DENND1B: variants seen among roughly 807,000 people sequenced by gnomAD.
The protein encoded by DENND1B is DENN domain containing 1B.
DENND1B carries 59 observed loss-of-function variants against 90.1 expected under a neutral mutation model. The ratio of observed to expected loss-of-function variants is 0.65; its 90% confidence interval spans 0.53 to 0.81. The LOEUF is 0.81. DENND1B is among the 40% of genes least tolerant of loss of function. DENND1B has a pLI of 0.00. For missense variants in DENND1B, 862 were observed against 912.6 expected (o/e 0.94, Z 0.71); for synonymous variants, 337 against 324.6 (o/e 1.04, Z -0.41).
intron 2 of DENND1B, among the ~76,000 whole-genome samples, chr1:197,755,405 C>T (rs1281144353): frequency 1.3e-5 from 2 of 150,812 alleles, no homozygotes; most frequent in African/African-American, 4.9e-5. Flanking sequence ...GTAGTATACA[C>T]TTAAGAGTAG....
At chr1:197,540,757 T>G (rs1381300120) in intron 19 of DENND1B, among the ~76,000 whole-genome samples, 4 of 152,184 alleles carry the variant, frequency 2.6e-5, no homozygotes, top group Admixed American at 2.6e-4. Flanking sequence ...GATAAAATAT[T>G]CAAACAGTAA....
In DENND1B at chr1:197,658,253, T is replaced by A. The variant is rs1654050341; in HGVS notation, c.366+47A>T. ...AATGGTTAAAATGGTAAGTTTTGTG[T>A]TATAAGTATTTTACCACAATTTAAA... On this transcript the variant is annotated intron_variant, in intron 6 of 22. Transcript: ENST00000620048. 1.8e-5 allele frequency: 26 copies of A among 1,430,872 alleles called. No homozygotes were observed. In the East Asian group the frequency reaches 5.7e-4, roughly 31 times the overall value. The allele number at this position is 1,430,872 out of a possible 1,614,324, so 88.6% of individuals were successfully genotyped here. A position where few individuals can be genotyped will look rare whatever the true frequency, so the allele number is the denominator to read the frequency against.
chr1:197,665,217 T>C lies in DENND1B; in HGVS notation c.296+6820A>G, dbSNP rs1219595988. ...ACAAAATAAATAGAAATCAAAGAAA[T>C]GTACTAACTTTCAAATCTTGTAATG... On this transcript the variant is annotated intron_variant, in intron 5 of 22. Coordinates refer to ENST00000620048, the MANE Select transcript of DENND1B (RefSeq NM_001195215.2). Among the ~76,000 whole-genome samples, 68 of 152,182 alleles carry C rather than the reference T, an allele frequency of 4.5e-4. 1 individual carries two copies. The highest frequency in any genetic ancestry group is 4.4e-5 in the Non-Finnish European group (3 of 67,942).
intron 20 of DENND1B, among the ~76,000 whole-genome samples, chr1:197,525,355 T>C (rs1320216616): frequency 1.3e-5 from 2 of 152,148 alleles, no homozygotes; most frequent in Non-Finnish European, 2.9e-5. Flanking sequence ...ACAAGTTTTA[T>C]AAGACTATTA....
At chr1:197,550,171 C>T (rs1671109640) in intron 16 of DENND1B, among the ~76,000 whole-genome samples, 2 of 152,052 alleles carry the variant, frequency 1.3e-5, no homozygotes, top group African/African-American at 4.8e-5. Context: ...CTTTCTAGGA[C>T]TTCATGTGTA....
rs1346897691 is a variant in DENND1B at position 197,540,977 on chromosome 1, C to A, written c.1389G>T (p.Lys463Asn). ...GACATACCTTGTGTTTTAGTTTACTCTTCACTTCCTTTAGTCCCAGCTTTG... is the reference window on the plus strand; with the variant it reads ...GACATACCTTGTGTTTTAGTTTACTATTCACTTCCTTTAGTCCCAGCTTTG... Reference protein sequence around the residue: ...NHAKLGLKEVKSKLKHKENEE... With the variant: ...NHAKLGLKEVNSKLKHKENEE... The change falls in exon 19 of 23, where the codon AAG (lysine) becomes AAT (asparagine). Residue 463 changes from lysine to asparagine, a missense_variant. Lys to Asn is a moderately conservative substitution (Grantham distance 94, BLOSUM62 0). Coordinates refer to ENST00000620048, the MANE Select transcript of DENND1B (RefSeq NM_001195215.2). The A allele has an allele frequency of 1.2e-6, 2 of 1,612,502 alleles. No homozygotes were observed. The highest frequency in any genetic ancestry group is 1.7e-5 in the Admixed American group (1 of 59,886).
intron 20 of DENND1B, among the ~76,000 whole-genome samples, chr1:197,519,774 G>C (rs951739665): frequency 6.6e-6 from 1 of 151,856 alleles, no homozygotes; most frequent in Non-Finnish European, 1.5e-5. Context: ...ATGTCCAGTG[G>C]TGGGACAATC....
intron 14 of DENND1B, among the ~76,000 whole-genome samples, chr1:197,590,107 T>C (rs1353655080): frequency 6.6e-6 from 1 of 152,202 alleles, no homozygotes; most frequent in East Asian, 1.9e-4. Context: ...GTGTTTTCCT[T>C]TCTGGAAAGA....
At position 197,539,993 on chromosome 1, in the gene DENND1B, C is replaced by T. The variant is rs1436030772; in HGVS notation, c.1486G>A (p.Gly496Arg). 2 of 1,613,104 alleles carry T rather than the reference C, an allele frequency of 1.2e-6. No homozygotes were observed. The highest frequency in any genetic ancestry group is 1.7e-5 in the Admixed American group (1 of 59,940). The change falls in exon 20 of 23, where the codon GGA (glycine) becomes AGA (arginine). Residue 496 changes from glycine (G) to arginine (R), a missense_variant. Coordinates refer to ENST00000620048, the MANE Select transcript of DENND1B (RefSeq NM_001195215.2). ...GCAAGCTTACGCTTTTCTGAGTTTCCTCCCTTTTCATTGTGTAATTTGTAA... is the reference window on the plus strand; with the variant it reads ...GCAAGCTTACGCTTTTCTGAGTTTCTTCCCTTTTCATTGTGTAATTTGTAA... Reference protein sequence around the residue: ...PVYKLHNEKGGNSEKRKLAQA... With the variant: ...PVYKLHNEKGRNSEKRKLAQA...
rs535026420 is a variant in DENND1B, at chr1:197,649,897, C to A, written c.447+2338G>T. On this transcript the variant is annotated intron_variant, in intron 7 of 22. Coordinates refer to ENST00000620048, the MANE Select transcript of DENND1B (RefSeq NM_001195215.2). ...ACTTAATTAAGCTAAAGAGCTTTTGCAGGGCAAAAGGTACAGTAAGCAGAG... is the reference window on the plus strand; with the variant it reads ...ACTTAATTAAGCTAAAGAGCTTTTGAAGGGCAAAAGGTACAGTAAGCAGAG... 7.2e-5 allele frequency among the ~76,000 whole-genome samples: 11 copies of A among 152,182 alleles called. No individual in the cohort carries two copies. The East Asian group carries it at 2.1e-3, about 29-fold the overall frequency.
At chr1:197,515,316 C>T (rs1668319949) in intron 20 of DENND1B, among the ~76,000 whole-genome samples, 1 of 151,702 alleles carries the variant, frequency 6.6e-6, no homozygotes, top group Admixed American at 6.6e-5. Flanking sequence ...CACTTTATCA[C>T]TATAAGTTTA....
intron 11 of DENND1B, among the ~76,000 whole-genome samples, chr1:197,614,583 T>C (rs1677471645): frequency 6.6e-6 from 1 of 150,932 alleles, no homozygotes; most frequent in Non-Finnish European, 1.5e-5. Flanking sequence ...AAAGATAGGA[T>C]ACAGAAGCCT....
In DENND1B at chr1:197,552,717, C is replaced by T. The variant is rs949135176; in HGVS notation, c.1240+305G>A. 3.5e-6 allele frequency: 4 copies of T among 1,136,740 alleles called. No individual in the cohort carries two copies. In the African/African-American group the frequency reaches 6.6e-5, roughly 19 times the overall value. 70.4% of individuals were successfully genotyped at this position (1,136,740 alleles called of 1,614,324 possible). A position where few individuals can be genotyped will look rare whatever the true frequency, so the allele number is the denominator to read the frequency against. ...TTTTCTAGCAGAGAATACTACTATT[C>T]AGAAGGAAAGACAGGAAGATATGAG... On this transcript the variant is annotated intron_variant, in intron 16 of 22. Coordinates refer to ENST00000620048, the MANE Select transcript of DENND1B (RefSeq NM_001195215.2).
At chr1:197,618,267 C>T (rs1340019568) in intron 10 of DENND1B, among the ~76,000 whole-genome samples, 1 of 151,120 alleles carries the variant, frequency 6.6e-6, no homozygotes, top group Non-Finnish European at 1.5e-5. Flanking sequence ...GAATGTTCGA[C>T]AGTTGGAGCT....
chr1:197,604,555 G>A (rs1400165361), intron 13 of DENND1B, among the ~76,000 whole-genome samples: 2 of 151,044 alleles, frequency 1.3e-5, no homozygotes, highest in East Asian at 3.9e-4. Context: ...TGGTCAATCT[G>A]ACACAATAAT....
chr1:197,550,930 T>A (rs1407118449), intron 16 of DENND1B, among the ~76,000 whole-genome samples: 1 of 152,074 alleles, frequency 6.6e-6, no homozygotes, highest in Non-Finnish European at 1.5e-5. Context: ...ATTATTATAT[T>A]ACTATTATTA....
chr1:197,523,923 T>A (rs1045645341), intron 20 of DENND1B, among the ~76,000 whole-genome samples: 9 of 148,280 alleles, frequency 6.1e-5, no homozygotes, highest in African/African-American at 2.2e-4. Context: ...CATGAATAGA[T>A]GGAACGATAG....
chr1:197,780,175 T>A (rs890771484), upstream of DENND1B, among the ~76,000 whole-genome samples: 1 of 152,196 alleles, frequency 6.6e-6, no homozygotes, highest in Non-Finnish European at 1.5e-5. Flanking sequence ...CTTGAATACC[T>A]TTGGGGTGTA....
At chr1:197,598,996 C>T (rs930977491) in intron 13 of DENND1B, among the ~76,000 whole-genome samples, 4 of 151,776 alleles carry the variant, frequency 2.6e-5, no homozygotes, top group Non-Finnish European at 4.4e-5. Flanking sequence ...AAGCAGCCAT[C>T]CATGGGAAGA....
Sources: gnomAD v4.1 joint callset for allele counts (sites outside exome capture counted in the v4.1 genomes callset) on GRCh38, gnomAD v4.1.1 for gene constraint, MANE v1.5 for transcripts, NCBI Gene and HGNC (gene_info 2026-07-23, HGNC 2026-07-21) for gene names.